SGMS2: variants seen among roughly 807,000 people sequenced by gnomAD.
The protein encoded by SGMS2 is sphingomyelin synthase 2.
In SGMS2, 21 loss-of-function variants were observed where a neutral mutation model predicts 43.8. The observed-to-expected ratio is 0.48, with a 90% CI of 0.34 to 0.69. The LOEUF (loss-of-function observed/expected upper bound fraction) is 0.69, where lower values mean the gene tolerates loss of function less well. Ranked by LOEUF, SGMS2 falls within the 30% of genes least tolerant of loss-of-function variation. The pLI is 0.01. For synonymous variants in SGMS2, 167 were observed against 160.6 expected, an observed-to-expected ratio of 1.04 and a Z score of -0.30; for missense variants, 384 against 443.2, an observed-to-expected ratio of 0.87 and a Z score of 1.20.
At chr4:107,900,762 G>GA (rs1358595979) in intron 4 of SGMS2, among the ~76,000 whole-genome samples, 2 of 152,154 alleles carry the variant, frequency 1.3e-5, no homozygotes, top group African/African-American at 4.8e-5. Context: ...TGTCTGAGGT[G>GA]AAAGAAAAAT....
intron 3 of SGMS2, among the ~76,000 whole-genome samples, chr4:107,898,029 C>A (rs1231911493): frequency 6.6e-6 from 1 of 152,170 alleles, no homozygotes; most frequent in Non-Finnish European, 1.5e-5. Flanking sequence ...CTGCTTATTA[C>A]TTCCCCTTGT....
chr4:107,877,855 AAAAGGGATGG>A (rs1163088093), intron 2 of SGMS2, among the ~76,000 whole-genome samples: 2 of 152,078 alleles, frequency 1.3e-5, no homozygotes, highest in African/African-American at 4.8e-5. Flanking sequence ...AATAAGTCCA[AAAAGGGATGG>A]AAAGTAGAAA....
intron 4 of SGMS2, among the ~76,000 whole-genome samples, chr4:107,902,830 C>T (rs1463814019): frequency 6.6e-6 from 1 of 152,158 alleles, no homozygotes; most frequent in Non-Finnish European, 1.5e-5. Context: ...TACCAATACA[C>T]TGCAGAGAAT....
intron 5 of SGMS2, among the ~76,000 whole-genome samples, chr4:107,905,450 TAAAC>T: frequency 6.6e-6 from 1 of 152,296 alleles, no homozygotes; most frequent in African/African-American, 2.4e-5. Flanking sequence ...CCAAACCTCA[TAAAC>T]AATAATAGCA....
intron 1 of SGMS2, among the ~76,000 whole-genome samples, chr4:107,855,783 G>A (rs1056732025): frequency 1.3e-5 from 2 of 152,128 alleles, no homozygotes; most frequent in Non-Finnish European, 2.9e-5. Context: ...CAAAAGTGGG[G>A]TGTTGAAGTC....
intron 2 of SGMS2, chr4:107,863,889 T>G (rs1278477534): frequency 6.6e-6 from 1 of 152,226 alleles, no homozygotes; most frequent in African/African-American, 2.4e-5. Flanking sequence ...CCTGAAGCTC[T>G]CTGGGAAAGG....
chr4:107,842,908 T>C (rs79607934), intron 1 of SGMS2, among the ~76,000 whole-genome samples: 5,314 of 152,298 alleles, frequency 0.035, 310 homozygotes, highest in African/African-American at 0.12. Context: ...TGAAACTACA[T>C]TCAGAAAGGA....
intron 1 of SGMS2, among the ~76,000 whole-genome samples, chr4:107,850,512 T>C (rs1727077884): frequency 6.6e-5 from 10 of 152,190 alleles, no homozygotes; most frequent in Admixed American, 6.5e-4. Flanking sequence ...AGGTTCTCTT[T>C]CTGTGTGGTA....
chr4:107,908,437 T>G, intron 5 of SGMS2, 128 bp from the exon 6 acceptor site: 1 of 913,102 alleles, frequency 1.1e-6, no homozygotes, highest in Non-Finnish European at 1.7e-6. Context: ...TCAGTTTAGG[T>G]TATCAGTTTT....
At chr4:107,850,235 A>T (rs1475456623) in intron 1 of SGMS2, among the ~76,000 whole-genome samples, 1 of 152,200 alleles carries the variant, frequency 6.6e-6, no homozygotes, top group Non-Finnish European at 1.5e-5. Context: ...AGATGCCAGC[A>T]TCATGCTTCC....
intron 1 of SGMS2, among the ~76,000 whole-genome samples, chr4:107,844,364 C>T (rs1015684527): frequency 4.6e-5 from 7 of 150,926 alleles, no homozygotes; most frequent in Non-Finnish European, 8.9e-5. Flanking sequence ...TTGCATTTGG[C>T]CAGGTTGGGT....
chr4:107,876,234 G>A (rs1267294742), intron 2 of SGMS2, among the ~76,000 whole-genome samples: 1 of 151,984 alleles, frequency 6.6e-6, no homozygotes, highest in African/African-American at 2.4e-5. Flanking sequence ...ACTCCTACAA[G>A]GAAATGATAT....
intron 1 of SGMS2, among the ~76,000 whole-genome samples, chr4:107,856,062 T>C (rs1409014903): frequency 2.6e-5 from 4 of 152,146 alleles, no homozygotes; most frequent in Non-Finnish European, 5.9e-5. Flanking sequence ...GGTAGAACAA[T>C]ATTCAGTCCC....
intron 1 of SGMS2, among the ~76,000 whole-genome samples, chr4:107,846,531 G>A (rs1194185393): frequency 2.0e-5 from 3 of 150,216 alleles, no homozygotes; most frequent in Non-Finnish European, 4.4e-5. Context: ...ATTTGGGTTG[G>A]TTCCAAGTCT....
At position 107,912,290 on chromosome 4, in the gene SGMS2, T is replaced by G. The variant is rs1443286791; in HGVS notation, c.*1737T>G. On this transcript the variant is annotated 3_prime_UTR_variant, in exon 7 of 7. Coordinates refer to ENST00000690982, the MANE Select transcript of SGMS2 (RefSeq NM_001375905.1). ...AAGCAAGACTCTTTAATTCAGTTATTTTAAACAAGAATTAAAACCCCAAAC... is the reference window on the plus strand; with the variant it reads ...AAGCAAGACTCTTTAATTCAGTTATGTTAAACAAGAATTAAAACCCCAAAC... 2 of 152,170 alleles carry G rather than the reference T, an allele frequency of 1.3e-5. No individual in the cohort carries two copies. Among genetic ancestry groups the G allele is most frequent in the Non-Finnish European group, 2.9e-5 (2 of 68,032 alleles). 9.4% of individuals were successfully genotyped at this position (152,170 alleles called of 1,614,324 possible).
At chr4:107,868,166 G>C (rs1443149284) in intron 2 of SGMS2, among the ~76,000 whole-genome samples, 1 of 152,006 alleles carries the variant, frequency 6.6e-6, no homozygotes, top group Non-Finnish European at 1.5e-5. Context: ...TAATCACTTG[G>C]GTTTGCAATA....
intron 1 of SGMS2, among the ~76,000 whole-genome samples, chr4:107,836,138 G>A (rs1185228978): frequency 6.6e-6 from 1 of 152,110 alleles, no homozygotes; most frequent in Non-Finnish European, 1.5e-5. Flanking sequence ...GAAATCTGAT[G>A]TATATTCTAC....
intron 4 of SGMS2, among the ~76,000 whole-genome samples, chr4:107,901,748 T>C (rs980669878): frequency 6.6e-6 from 1 of 152,214 alleles, no homozygotes; most frequent in East Asian, 1.9e-4. Flanking sequence ...CCCATTATTA[T>C]AAAAGGATTA....
chr4:107,827,800 A>G (rs1486140514), intron 1 of SGMS2, among the ~76,000 whole-genome samples: 2 of 152,084 alleles, frequency 1.3e-5, no homozygotes, highest in South Asian at 2.1e-4. Flanking sequence ...AGCCTGGCCA[A>G]TATGGTAAAA....
Sources: allele counts gnomAD v4.1 joint callset (sites outside exome capture counted in the v4.1 genomes callset), GRCh38; gene constraint gnomAD v4.1.1; transcripts MANE v1.5; gene names NCBI Gene and HGNC (gene_info 2026-07-23, HGNC 2026-07-21).